Variants in TADA2A observed in about 807,000 individuals in gnomAD.
TADA2A encodes transcriptional adapter 2-alpha.
Under a neutral mutation model 67.4 loss-of-function variants are expected in TADA2A, and 38 were observed. The ratio of observed to expected loss-of-function variants is 0.56; its 90% CI spans 0.44 to 0.74. The LOEUF (loss-of-function observed/expected upper bound fraction) is 0.74. TADA2A is among the 30% of genes least tolerant of loss of function. The pLI, the probability that TADA2A is intolerant of heterozygous loss-of-function variation, is 0.00. For missense variants in TADA2A, 454 were observed against 547.0 expected, an observed-to-expected ratio of 0.83 and a Z score of 1.70; for synonymous variants, 192 against 181.6, an observed-to-expected ratio of 1.06 and a Z score of -0.46.
At position 37,412,136 on chromosome 17, in the gene TADA2A, G is replaced by A. The variant is rs904444981; in HGVS notation, c.25+746G>A. The stretch of plus-strand genomic sequence containing the variant: ...TGAGGCAGGAGAATGGCATGAACCC[G>A]GGAGGCGGAGCTTGCAGTGAGCTGA... On this transcript the variant is annotated intron_variant, in intron 2 of 15. Transcript: ENST00000615182. Among the ~76,000 whole-genome samples, 13 of 151,742 alleles carry A rather than the reference G, an allele frequency of 8.6e-5. No individual in the cohort carries two copies. In the East Asian group the frequency reaches 1.2e-3, roughly 14 times the overall value.
intron 6 of TADA2A, among the ~76,000 whole-genome samples, chr17:37,442,198 CTTTTT>C (rs760306260): frequency 1.3e-5 from 1 of 75,412 alleles, no homozygotes; most frequent in East Asian, 3.8e-4. Flanking sequence ...TTTTTCCCGT[CTTTTT>C]TTTTTTTTTT....
chr17:37,437,875 G>C, intron 5 of TADA2A, 46 bp downstream of exon 5: 1 of 1,548,744 alleles, frequency 6.5e-7, no homozygotes, highest in Non-Finnish European at 8.9e-7. Flanking sequence ...TGGACTCAGA[G>C]AAGAAGCTGT....
chr17:37,419,606 C>T (rs1309634559), intron 2 of TADA2A, among the ~76,000 whole-genome samples: 1 of 145,880 alleles, frequency 6.9e-6, no homozygotes, highest in Non-Finnish European at 1.5e-5. Flanking sequence ...TGGGAAAACC[C>T]CCCCTCTACT....
At chr17:37,462,056 T>A (rs751452743) in intron 9 of TADA2A, 22 bp from the exon 10 acceptor site, 4 of 1,543,086 alleles carry the variant, frequency 2.6e-6, no homozygotes, top group Non-Finnish European at 3.6e-6. Flanking sequence ...AATGCACAAA[T>A]TATTGTGGCT....
intron 14 of TADA2A, 150 bp downstream of exon 14, chr17:37,471,287 T>C (rs2053782393): frequency 2.6e-6 from 2 of 760,066 alleles, no homozygotes; most frequent in East Asian, 5.4e-5. Flanking sequence ...TAAACATCAG[T>C]ATGTTTTCAG....
rs111911480 is a variant in TADA2A, at chr17:37,441,437, G to A, written c.442+775G>A. Among the ~76,000 whole-genome samples, 18 of 152,158 alleles carry A rather than the reference G, an allele frequency of 1.2e-4. No individual in the cohort carries two copies. The East Asian group carries it at 2.7e-3, about 23-fold the overall frequency. Reference sequence around the variant, plus strand: ...AAGAATCAGTTTGTTATTTTTGTTCGCTTGGTTGTGTCAGTGATGGCGAAC... The same window carrying A: ...AAGAATCAGTTTGTTATTTTTGTTCACTTGGTTGTGTCAGTGATGGCGAAC... On this transcript the variant is annotated intron_variant, in intron 6 of 15. Coordinates refer to ENST00000615182, the MANE Select transcript of TADA2A (RefSeq NM_001166105.3).
intron 14 of TADA2A, among the ~76,000 whole-genome samples, chr17:37,472,208 G>A (rs1046573125): frequency 2.6e-5 from 4 of 152,046 alleles, no homozygotes; most frequent in Admixed American, 6.5e-5. Flanking sequence ...TGGGATTAGA[G>A]GCGCCTGCCA....
At chr17:37,476,468 G>T (rs183928227) in intron 15 of TADA2A, among the ~76,000 whole-genome samples, 1 of 152,278 alleles carries the variant, frequency 6.6e-6, no homozygotes, top group East Asian at 1.9e-4. Flanking sequence ...CTGTACCTGG[G>T]CATTTAGTGT....
chr17:37,457,442 A>G (rs866489245), intron 8 of TADA2A, among the ~76,000 whole-genome samples: 29 of 151,112 alleles, frequency 1.9e-4, no homozygotes, highest in African/African-American at 7.1e-4. Context: ...CAGTCTTACA[A>G]AGTGCTGGGA....
chr17:37,451,764 A>C (rs1276323336), intron 8 of TADA2A, among the ~76,000 whole-genome samples: 1 of 151,300 alleles, frequency 6.6e-6, no homozygotes, highest in Non-Finnish European at 1.5e-5. Flanking sequence ...CGGGCAGATC[A>C]CCTGAGGTCA....
At chr17:37,447,302 G>A (rs1325688643) in intron 8 of TADA2A, among the ~76,000 whole-genome samples, 1 of 152,076 alleles carries the variant, frequency 6.6e-6, no homozygotes, top group African/African-American at 2.4e-5. Context: ...GCTGGGATTA[G>A]CGCCACCATG....
At chr17:37,466,842 A>C (rs934100137) in intron 11 of TADA2A, among the ~76,000 whole-genome samples, 1 of 152,210 alleles carries the variant, frequency 6.6e-6, no homozygotes, top group Non-Finnish European at 1.5e-5. Flanking sequence ...TAGTTAGAGC[A>C]GGGAAACTTG....
chr17:37,467,653 T>C, intron 12 of TADA2A, 128 bp downstream of exon 12: 6 of 750,086 alleles, frequency 8.0e-6, no homozygotes, highest in South Asian at 4.0e-5. Context: ...GCTTTAAACC[T>C]TTCCAGTAAA....
intron 8 of TADA2A, among the ~76,000 whole-genome samples, chr17:37,452,400 C>T (rs896700003): frequency 6.6e-6 from 1 of 151,794 alleles, no homozygotes; most frequent in Non-Finnish European, 1.5e-5. Flanking sequence ...GAGACTCCAT[C>T]TCAAAAAAAA....
At chr17:37,440,074 G>A (rs1044509185) in intron 5 of TADA2A, among the ~76,000 whole-genome samples, 1 of 151,562 alleles carries the variant, frequency 6.6e-6, no homozygotes, top group African/African-American at 2.4e-5. Context: ...CTCCCAAGTA[G>A]CTGGGATTAC....
chr17:37,477,231 C>T lies in TADA2A; in HGVS notation c.*249C>T. Reference sequence around the variant, plus strand: ...CTATTATTAAATGTGAGTGGGCATTCATTCCTAACACCTCTTGTAACTAAA... The same window carrying T: ...CTATTATTAAATGTGAGTGGGCATTTATTCCTAACACCTCTTGTAACTAAA... On this transcript the variant is annotated 3_prime_UTR_variant, in exon 16 of 16. Coordinates refer to ENST00000615182, the MANE Select transcript of TADA2A (RefSeq NM_001166105.3). 2.5e-6 allele frequency: 1 copy of T among 407,164 alleles called. No homozygotes were observed. The highest frequency in any genetic ancestry group is 4.4e-6 in the Non-Finnish European group (1 of 228,664). The allele number at this position is 407,164 out of a possible 1,614,324, so 25.2% of individuals were successfully genotyped here.
At chr17:37,476,246 A>G (rs2053890621) in intron 15 of TADA2A, among the ~76,000 whole-genome samples, 1 of 152,096 alleles carries the variant, frequency 6.6e-6, no homozygotes, top group African/African-American at 2.4e-5. Flanking sequence ...TAATGTGGCA[A>G]TTTTCTAGAT....
At chr17:37,431,597 C>T (rs538961169) in intron 4 of TADA2A, among the ~76,000 whole-genome samples, 1 of 144,532 alleles carries the variant, frequency 6.9e-6, no homozygotes, top group Admixed American at 7.0e-5. Context: ...TTTTTTGAGA[C>T]AGAGTCTTGC....
intron 6 of TADA2A, among the ~76,000 whole-genome samples, chr17:37,442,004 T>G (rs2052932812): frequency 6.6e-6 from 1 of 152,146 alleles, no homozygotes; most frequent in South Asian, 2.1e-4. Context: ...TGTTAGCACT[T>G]TGTTCTCAAA....
Sources: gnomAD v4.1 joint callset for allele counts (sites outside exome capture counted in the v4.1 genomes callset) on GRCh38, gnomAD v4.1.1 for gene constraint, MANE v1.5 for transcripts, NCBI Gene and HGNC (gene_info 2026-07-23, HGNC 2026-07-21) for gene names.